Variants in RSPH9 observed in about 807,000 individuals in gnomAD.
RSPH9 encodes radial spoke head component 9, also known as radial spoke head protein 9 homolog.
A neutral mutation model predicts 27.0 loss-of-function variants in RSPH9; 27 were observed. That is an observed-to-expected ratio of 1.00 (90% CI 0.74 to 1.38). The LOEUF is 1.38. Ranked by LOEUF, RSPH9 falls within the 40% of genes most tolerant of loss-of-function variation. The pLI, the probability that RSPH9 is intolerant of heterozygous loss-of-function variation, is 0.00. For missense variants in RSPH9, 347 were observed against 357.4 expected, an observed-to-expected ratio of 0.97 and a Z score of 0.24; for synonymous variants, 145 against 147.7, an observed-to-expected ratio of 0.98 and a Z score of 0.13.
intron 4 of RSPH9, among the ~76,000 whole-genome samples, chr6:43,666,048 A>T (rs998807889): frequency 6.6e-6 from 1 of 152,084 alleles, no homozygotes; most frequent in African/African-American, 2.4e-5. Flanking sequence ...CTGGTCTTGA[A>T]CAACTCAGCT....
intron 4 of RSPH9, among the ~76,000 whole-genome samples, chr6:43,656,956 G>A (rs1447191721): frequency 1.3e-5 from 2 of 152,200 alleles, no homozygotes; most frequent in African/African-American, 2.4e-5. Context: ...CAGAGAGGAG[G>A]TATCTCAATG....
At chr6:43,663,376 G>A (rs1054346594) in intron 4 of RSPH9, among the ~76,000 whole-genome samples, 7 of 152,054 alleles carry the variant, frequency 4.6e-5, no homozygotes, top group Admixed American at 3.9e-4. Context: ...ATGCCACCAT[G>A]CCCAGCTAAT....
intron 4 of RSPH9, among the ~76,000 whole-genome samples, chr6:43,658,291 C>CAAAAAAAAAAAAA (rs58592648): frequency 2.0e-4 from 5 of 24,848 alleles, no homozygotes; most frequent in Non-Finnish European, 2.4e-4. Flanking sequence ...AACTCCGTCT[C>CAAAAAAAAAAAAA]AAAAAAAAAA....
chr6:43,651,829 G>A (rs1041023070), intron 2 of RSPH9, among the ~76,000 whole-genome samples: 13 of 152,198 alleles, frequency 8.5e-5, no homozygotes, highest in East Asian at 3.9e-4. Context: ...GATTACAGGC[G>A]TGAGCCACCG....
At chr6:43,646,572 C>T (rs185183473) in intron 1 of RSPH9, among the ~76,000 whole-genome samples, 12 of 151,330 alleles carry the variant, frequency 7.9e-5, no homozygotes, top group African/African-American at 2.2e-4. Context: ...CCACCATGCC[C>T]GGCCAGCCTC....
intron 3 of RSPH9, among the ~76,000 whole-genome samples, chr6:43,655,915 C>T (rs528479121): frequency 6.6e-6 from 1 of 152,080 alleles, no homozygotes; most frequent in African/African-American, 2.4e-5. Flanking sequence ...AGTGGGAGAG[C>T]ATATAGTCCC....
rs770964004 is a variant in RSPH9 at position 43,670,993 on chromosome 6, A to G, written c.*44A>G. ...TGTTTTTAAACAGAGTCTAAACATG[A>G]TTTTCTTAAGCTTCAGTGAACTTGG... On this transcript the variant is annotated 3_prime_UTR_variant, in exon 5 of 5. Coordinates refer to ENST00000372163, the MANE Select transcript of RSPH9 (RefSeq NM_152732.5). The G allele has an allele frequency of 7.4e-6, 12 of 1,612,438 alleles. No individual in the cohort carries two copies. Among genetic ancestry groups the G allele is most frequent in the Non-Finnish European group, 9.3e-6 (11 of 1,179,230 alleles).
intron 4 of RSPH9, among the ~76,000 whole-genome samples, chr6:43,660,939 A>G (rs1317247508): frequency 6.6e-6 from 1 of 152,208 alleles, no homozygotes; most frequent in Non-Finnish European, 1.5e-5. Context: ...TGGCTGCAGG[A>G]TGGATGTTGT....
intron 4 of RSPH9, among the ~76,000 whole-genome samples, chr6:43,657,247 C>T (rs1302854898): frequency 1.3e-5 from 2 of 152,166 alleles, no homozygotes; most frequent in Non-Finnish European, 2.9e-5. Flanking sequence ...ACTCAGCGCC[C>T]CACTTCTTTC....
Position 43,671,145 on chromosome 6 carries a change from G to T in RSPH9, c.*196G>T. ...GGGGTTGGAATGTGCTAATGAAAGA[G>T]ATTCTAGACAACGATGGGTGGAAAT... On this transcript the variant is annotated 3_prime_UTR_variant, in exon 5 of 5. Transcript: ENST00000372163. 3.1e-6 allele frequency: 2 copies of T among 648,128 alleles called. No individual in the cohort carries two copies. Among genetic ancestry groups the T allele is most frequent in the Admixed American group, 2.8e-5 (1 of 36,070 alleles). 40.1% of individuals were successfully genotyped at this position (648,128 alleles called of 1,614,324 possible). A position where few individuals can be genotyped will look rare whatever the true frequency, so the allele number is the denominator to read the frequency against.
chr6:43,646,410 C>T (rs932845707), intron 1 of RSPH9, among the ~76,000 whole-genome samples: 3 of 151,454 alleles, frequency 2.0e-5, no homozygotes, highest in Non-Finnish European at 2.9e-5. Context: ...CTGGGATCAC[C>T]CACCGCGCTT....
intron 2 of RSPH9, among the ~76,000 whole-genome samples, chr6:43,652,283 G>A (rs1771556681): frequency 6.7e-6 from 1 of 150,172 alleles, no homozygotes. Flanking sequence ...TCCAGCCTGG[G>A]CGACAGAGTG....
At chr6:43,648,580 A>T (rs1771128138) in intron 1 of RSPH9, among the ~76,000 whole-genome samples, 1 of 152,210 alleles carries the variant, frequency 6.6e-6, no homozygotes, top group South Asian at 2.1e-4. Flanking sequence ...GCATTGTAAG[A>T]CTTGGCTTAA....
rs767883920 is a variant in RSPH9, at chr6:43,655,621, G to A, written c.453G>A (p.Val151=). 2 of 1,614,198 alleles carry A rather than the reference G, an allele frequency of 1.2e-6. No homozygotes were observed. Among genetic ancestry groups the A allele is most frequent in the East Asian group, 2.2e-5 (1 of 44,882 alleles). The change falls in exon 3 of 5, where the codon GTG becomes GTA. Residue 151 remains valine (V), a synonymous_variant. Transcript: ENST00000372163. The part of the protein sequence containing the change: ...VSVIDQIDKA[V]AIIPRGALFK... ...TCATTGACCAGATTGACAAGGCTGT[G>A]GCCATCATCCCCCGAGGCGCCCTCT...
intron 4 of RSPH9, among the ~76,000 whole-genome samples, chr6:43,665,403 C>G (rs1476121628): frequency 6.6e-6 from 1 of 152,202 alleles, no homozygotes; most frequent in Non-Finnish European, 1.5e-5. Flanking sequence ...CTTTGGGAGG[C>G]CAAGGTGGCA....
Position 43,670,822 on chromosome 6 carries a change from C to T in RSPH9, c.704C>T (p.Ala235Val), listed in dbSNP as rs1057502519. Residue 235 changes from alanine (A) to valine (V), a missense_variant, in exon 5 of 5, where the codon GCC becomes GTC. Ala to Val is a moderately conservative substitution (Grantham distance 64). Transcript: ENST00000372163. The stretch of plus-strand genomic sequence containing the variant: ...AGCATCCAGATGGAGAGGGGCAATG[C>T]CCTGGTGGTGCTGCGCAGCCTGCTC... ...SWSIQMERGN[A>V]LVVLRSLLWP... 6.2e-6 allele frequency: 10 copies of T among 1,614,200 alleles called. No homozygotes were observed. The highest frequency in any genetic ancestry group is 1.6e-4 in the Middle Eastern group (1 of 6,062).
intron 4 of RSPH9, among the ~76,000 whole-genome samples, chr6:43,657,930 A>G (rs913477772): frequency 2.0e-5 from 3 of 152,236 alleles, no homozygotes; most frequent in Non-Finnish European, 2.9e-5. Flanking sequence ...TGCAAGAATT[A>G]AATGAGTTAA....
intron 4 of RSPH9, among the ~76,000 whole-genome samples, chr6:43,658,311 G>GAA (rs1272673497): frequency 4.0e-5 from 4 of 101,106 alleles, no homozygotes; most frequent in Non-Finnish European, 8.3e-5. Context: ...AAAAAAAAAA[G>GAA]AAAAAAAAAA....
At chr6:43,667,287 G>C (rs1370860768) in intron 4 of RSPH9, among the ~76,000 whole-genome samples, 1 of 152,248 alleles carries the variant, frequency 6.6e-6, no homozygotes, top group Non-Finnish European at 1.5e-5. Flanking sequence ...GGGCTGGAGG[G>C]CCACTGCTCC....
Sources: gnomAD v4.1 joint callset for allele counts (sites outside exome capture counted in the v4.1 genomes callset) on GRCh38, gnomAD v4.1.1 for gene constraint, MANE v1.5 for transcripts, NCBI Gene and HGNC (gene_info 2026-07-23, HGNC 2026-07-21) for gene names.